AAK1: variants seen among roughly 807,000 people sequenced by gnomAD.
The protein encoded by AAK1 is AP2 associated kinase 1, also known as AP2-associated protein kinase 1.
In AAK1, 37 loss-of-function variants were observed where a neutral mutation model predicts 116.0. The ratio of observed to expected loss-of-function variants is 0.32; its 90% CI spans 0.25 to 0.42. AAK1 has a LOEUF of 0.42. AAK1 is among the 10% of genes least tolerant of loss of function. AAK1 has a pLI of 1.00. For missense variants in AAK1, 919 were observed against 1,170.6 expected (o/e 0.79, Z 3.14); for synonymous variants, 458 against 439.9 (o/e 1.04, Z -0.51).
rs369547631 is a variant in AAK1 at position 69,518,997 on chromosome 2, G to A, written c.1454C>T (p.Pro485Leu). The A allele has an allele frequency of 2.4e-5, 37 of 1,549,654 alleles. No homozygotes were observed. Among genetic ancestry groups the A allele is most frequent in the South Asian group, 8.3e-5 (7 of 83,950 alleles). ...QQQPPPAQQQ[P>L]AGTFYQQQQA... The stretch of plus-strand genomic sequence containing the variant: ...CTGCTGCTGGTAAAACGTGCCTGCC[G>A]GCTGCTGCTGTGCTGGCGGTGGCTG... Residue 485 changes from proline to leucine, a missense_variant, in exon 12 of 22, where the codon CCG becomes CTG. By Grantham distance (98) the Pro-to-Leu change is moderately conservative (BLOSUM62 -3). Coordinates refer to ENST00000409085, the MANE Select transcript of AAK1 (RefSeq NM_014911.5).
intron 5 of AAK1, among the ~76,000 whole-genome samples, chr2:69,535,560 T>C (rs781720828): frequency 6.6e-6 from 1 of 152,192 alleles, no homozygotes; most frequent in Non-Finnish European, 1.5e-5. Flanking sequence ...TGAATGTATG[T>C]AAGGTGAAGA....
intron 4 of AAK1, among the ~76,000 whole-genome samples, chr2:69,542,949 C>A (rs1670780485): frequency 6.6e-6 from 1 of 152,174 alleles, no homozygotes; most frequent in African/African-American, 2.4e-5. Flanking sequence ...GTAGAACTGA[C>A]AATATGGTCC....
intron 2 of AAK1, among the ~76,000 whole-genome samples, chr2:69,633,599 CAAA>C (rs3075922): frequency 0.14 from 16,235 of 114,158 alleles, 2,028 homozygotes; most frequent in African/African-American, 0.34. Context: ...GACGCTGTCT[CAAA>C]AAAAAAAAAA....
intron 2 of AAK1, among the ~76,000 whole-genome samples, chr2:69,593,848 C>T (rs1370398848): frequency 2.0e-5 from 3 of 152,218 alleles, no homozygotes; most frequent in African/African-American, 7.2e-5. Context: ...GTGTACAATG[C>T]TACTTCCCTC....
intron 16 of AAK1, among the ~76,000 whole-genome samples, chr2:69,501,313 A>C (rs970356906): frequency 2.6e-5 from 4 of 152,260 alleles, no homozygotes; most frequent in African/African-American, 9.6e-5. Context: ...GATGAAAAGC[A>C]TAACTCCAAA....
At chr2:69,515,734 T>C (rs1184445330) in intron 12 of AAK1, among the ~76,000 whole-genome samples, 1 of 152,174 alleles carries the variant, frequency 6.6e-6, no homozygotes, top group African/African-American at 2.4e-5. Context: ...GTCAACACTG[T>C]ATCTTTGAAC....
Position 69,470,884 on chromosome 2 carries a change from T to C in AAK1, c.*4985A>G. ...GTTTTCAGCTCAGGAAAAGAGCAACTTATTTTAAGTTATTTACATCTCTAA... is the reference window on the plus strand; with the variant it reads ...GTTTTCAGCTCAGGAAAAGAGCAACCTATTTTAAGTTATTTACATCTCTAA... On this transcript the variant is annotated 3_prime_UTR_variant, in exon 22 of 22. Coordinates refer to ENST00000409085, the MANE Select transcript of AAK1 (RefSeq NM_014911.5). The C allele has an allele frequency of 1.0e-6, 1 of 985,834 alleles. No homozygotes were observed. The highest frequency in any genetic ancestry group is 1.2e-6 in the Non-Finnish European group (1 of 829,890). 61.1% of individuals were successfully genotyped at this position (985,834 alleles called of 1,614,324 possible). A position where few individuals can be genotyped will look rare whatever the true frequency, so the allele number is the denominator to read the frequency against.
At chr2:69,617,758 G>C (rs1559006914) in intron 2 of AAK1, among the ~76,000 whole-genome samples, 1 of 152,160 alleles carries the variant, frequency 6.6e-6, no homozygotes, top group Non-Finnish European at 1.5e-5. Flanking sequence ...TCCTGTGAAG[G>C]GATAAAGTGA....
chr2:69,571,730 T>C (rs926110225), intron 2 of AAK1, among the ~76,000 whole-genome samples: 3 of 152,196 alleles, frequency 2.0e-5, no homozygotes, highest in Non-Finnish European at 4.4e-5. Context: ...CTTGCATTAG[T>C]ATACTGAGAC....
chr2:69,465,210 A>C lies in AAK1; in HGVS notation c.*10659T>G, dbSNP rs1001285057. On this transcript the variant is annotated 3_prime_UTR_variant, in exon 22 of 22. Coordinates refer to ENST00000409085, the MANE Select transcript of AAK1 (RefSeq NM_014911.5). ...TCCAAGTCCAGAAATCAATATAAAC[A>C]AACAAACAAACAAACAAAAATGAAC... 2.3e-5 allele frequency: 8 copies of C among 351,042 alleles called. No individual in the cohort carries two copies. The highest frequency in any genetic ancestry group is 1.7e-4 in the African/African-American group (8 of 46,332). 21.7% of individuals were successfully genotyped at this position (351,042 alleles called of 1,614,324 possible).
At chr2:69,513,417 T>G (rs984869223) in intron 13 of AAK1, among the ~76,000 whole-genome samples, 4 of 152,254 alleles carry the variant, frequency 2.6e-5, no homozygotes, top group African/African-American at 9.6e-5. Context: ...CCTCCCGGGT[T>G]CACGCCATTC....
chr2:69,579,786 T>A (rs904337698), intron 2 of AAK1, among the ~76,000 whole-genome samples: 2 of 152,172 alleles, frequency 1.3e-5, no homozygotes, highest in African/African-American at 4.8e-5. Flanking sequence ...TGCGCCCTGG[T>A]TGATTTCACC....
chr2:69,637,692 A>G (rs1675508332), intron 2 of AAK1, among the ~76,000 whole-genome samples: 1 of 152,228 alleles, frequency 6.6e-6, no homozygotes, highest in African/African-American at 2.4e-5. Flanking sequence ...TGCAAGATGA[A>G]GGTGGTACTA....
In AAK1 at chr2:69,469,421, C is replaced by A; in HGVS notation, c.*6448G>T. On this transcript the variant is annotated 3_prime_UTR_variant, in exon 22 of 22. Coordinates refer to ENST00000409085, the MANE Select transcript of AAK1 (RefSeq NM_014911.5). The stretch of plus-strand genomic sequence containing the variant: ...TTTTGAGTATGTGAATGTGTTCTTA[C>A]AGGGAAAATGTGTTTTCAGGGTGAA... The A allele has an allele frequency of 1.0e-6, 1 of 985,412 alleles. No homozygotes were observed. Among genetic ancestry groups the A allele is most frequent in the Non-Finnish European group, 1.2e-6 (1 of 829,940 alleles). 61.0% of individuals were successfully genotyped at this position (985,412 alleles called of 1,614,324 possible). A position where few individuals can be genotyped will look rare whatever the true frequency, so the allele number is the denominator to read the frequency against.
intron 19 of AAK1, among the ~76,000 whole-genome samples, chr2:69,480,546 G>T (rs1263772925): frequency 1.3e-5 from 2 of 152,110 alleles, no homozygotes; most frequent in African/African-American, 4.8e-5. Flanking sequence ...CAGCTCGGCA[G>T]AGTTCTTTAA....
intron 2 of AAK1, among the ~76,000 whole-genome samples, chr2:69,610,139 TACTGGCATAAAG>T (rs1674015173): frequency 6.6e-6 from 1 of 151,612 alleles, no homozygotes; most frequent in Admixed American, 6.6e-5. Flanking sequence ...AACAGTGTGG[TACTGGCATAAAG>T]ACAGATATAG....
chr2:69,621,657 G>A (rs1370075764), intron 2 of AAK1, among the ~76,000 whole-genome samples: 1 of 152,132 alleles, frequency 6.6e-6, no homozygotes, highest in Non-Finnish European at 1.5e-5. Context: ...AGCAATAGAT[G>A]ACTAAAACAC....
At chr2:69,566,658 C>T (rs1264149216) in intron 2 of AAK1, among the ~76,000 whole-genome samples, 1 of 152,128 alleles carries the variant, frequency 6.6e-6, no homozygotes, top group African/African-American at 2.4e-5. Context: ...GGGAGGATCT[C>T]CAGCTCAGGA....
In AAK1 at chr2:69,507,613, T is replaced by C. The variant is rs200356697; in HGVS notation, c.2007-35A>G. ...TTCCCACCCCCACGAAACAAAAAGA[T>C]ATAAAAGTTGAACAAAACAAAAAGG... On this transcript the variant is annotated intron_variant, in intron 14 of 21. Coordinates refer to ENST00000409085, the MANE Select transcript of AAK1 (RefSeq NM_014911.5). 6.4e-5 allele frequency: 98 copies of C among 1,522,232 alleles called. No individual in the cohort carries two copies. The African/African-American group carries it at 1.2e-3, about 19-fold the overall frequency. 94.3% of individuals were successfully genotyped at this position (1,522,232 alleles called of 1,614,324 possible).
Sources: gnomAD v4.1 joint callset for allele counts (sites outside exome capture counted in the v4.1 genomes callset) on GRCh38, gnomAD v4.1.1 for gene constraint, MANE v1.5 for transcripts, NCBI Gene and HGNC (gene_info 2026-07-23, HGNC 2026-07-21) for gene names.